The following BTG2 variants were observed in gnomAD, a reference collection of about 807,000 sequenced individuals.
BTG2 encodes BTG anti-proliferation factor 2.
BTG2 carries 9 observed loss-of-function variants against 13.1 expected under a neutral mutation model. That is an observed-to-expected ratio of 0.69 (90% CI 0.41 to 1.20). The LOEUF is 1.20. Ranked by LOEUF, BTG2 falls within the 50% of genes most tolerant of loss-of-function variation. The probability of loss-of-function intolerance (pLI) is 0.00; values close to 1 mark genes in which losing one functional copy is unlikely to be tolerated. For synonymous variants in BTG2, 92 were observed against 88.6 expected, an observed-to-expected ratio of 1.04 and a Z score of -0.21; for missense variants, 200 against 209.5, an observed-to-expected ratio of 0.95 and a Z score of 0.28.
chr1:203,305,838 C>T, intron 1 of BTG2, 90 bp downstream of exon 1: 1 of 1,477,560 alleles, frequency 6.8e-7, no homozygotes. Flanking sequence ...GCAGGGTGAC[C>T]CACGGGAGCA....
Position 203,305,735 on chromosome 1 carries a change from G to C in BTG2, c.129G>C (p.Gln43His). The C allele has an allele frequency of 6.5e-7, 1 of 1,549,126 alleles. No homozygotes were observed. The highest frequency in any genetic ancestry group is 2.0e-5 in the Admixed American group (1 of 50,816). The change falls in exon 1 of 2, where the codon CAG (glutamine) becomes CAC (histidine). Residue 43 changes from glutamine (Q) to histidine (H), a missense_variant. Physicochemically the swap from Gln to His is conservative, Grantham distance 24 (BLOSUM62 0). Transcript: ENST00000290551. ...QRLKVFSGAL[Q>H]EALTEHYKHH... is the part of the protein sequence containing the mutation. ...TTAAGGTCTTCAGCGGGGCGCTCCA[G>C]GAGGCACTCACAGGTGAGCGCATGC... is the stretch of plus-strand genomic sequence containing the variant.
intron 1 of BTG2, among the ~76,000 whole-genome samples, chr1:203,306,676 C>A (rs1045804296): frequency 1.3e-5 from 2 of 152,038 alleles, no homozygotes; most frequent in African/African-American, 4.8e-5. Flanking sequence ...GCTCACAGGT[C>A]TCCAGAGGCC....
Position 203,305,720 on chromosome 1 carries a change from C to A in BTG2, c.114C>A (p.Phe38Leu). 6.4e-7 allele frequency: 1 copy of A among 1,551,232 alleles called. No homozygotes were observed. Among genetic ancestry groups the A allele is most frequent in the Non-Finnish European group, 8.7e-7 (1 of 1,147,068 alleles). Reference sequence around the variant, plus strand: ...TGAGCGAGCAGAGGCTTAAGGTCTTCAGCGGGGCGCTCCAGGAGGCACTCA... The same window carrying A: ...TGAGCGAGCAGAGGCTTAAGGTCTTAAGCGGGGCGCTCCAGGAGGCACTCA... ...GCVSEQRLKV[F>L]SGALQEALTE... Residue 38 changes from phenylalanine to leucine, a missense_variant, in exon 1 of 2, where the codon TTC (phenylalanine) becomes TTA (leucine). Coordinates refer to ENST00000290551, the MANE Select transcript of BTG2 (RefSeq NM_006763.3).
At chr1:203,306,364 T>A (rs950058761) in intron 1 of BTG2, among the ~76,000 whole-genome samples, 1 of 151,982 alleles carries the variant, frequency 6.6e-6, no homozygotes, top group African/African-American at 2.4e-5. Context: ...GGCCTTCAAG[T>A]TGGGAGGTGA....
Position 203,307,396 on chromosome 1 carries a change from G to A in BTG2, c.435G>A (p.Arg145=), listed in dbSNP as rs1277984801. Residue 145 remains arginine, a synonymous_variant, in exon 2 of 2, where the codon CGG becomes CGA. Transcript: ENST00000290551. The part of the protein sequence containing the change: ...LTCKNQVLLG[R]SSPSKNYVMA... ...GCAAGAACCAAGTGCTGCTGGGCCG[G>A]AGCAGCCCCTCCAAGAACTACGTGA... 6.2e-7 allele frequency: 1 copy of A among 1,604,472 alleles called. No homozygotes were observed. Among genetic ancestry groups the A allele is most frequent in the Non-Finnish European group, 8.5e-7 (1 of 1,172,652 alleles).
At chr1:203,305,860 CG>C in intron 1 of BTG2, 112 bp downstream of exon 1, 1 of 1,409,136 alleles carries the variant, frequency 7.1e-7, no homozygotes, top group Non-Finnish European at 9.4e-7. Flanking sequence ...CTTTGGGACT[CG>C]GTGGCCCTCC....
At position 203,307,387 on chromosome 1, in the gene BTG2, G is replaced by C. The variant is rs576022566; in HGVS notation, c.426G>C (p.Leu142=). 53 of 1,608,388 alleles carry C rather than the reference G, an allele frequency of 3.3e-5. No homozygotes were observed. The highest frequency in any genetic ancestry group is 2.0e-4 in the Admixed American group (12 of 59,912). Residue 142 remains leucine, a synonymous_variant, in exon 2 of 2, where the codon CTG becomes CTC. Transcript: ENST00000290551. ...CGLLTCKNQV[L]LGRSSPSKNY... ...TCCTCACCTGCAAGAACCAAGTGCT[G>C]CTGGGCCGGAGCAGCCCCTCCAAGA... is the stretch of plus-strand genomic sequence containing the variant.
Position 203,307,586 on chromosome 1 carries a change from A to C in BTG2, c.*148A>C. 1.1e-5 allele frequency: 7 copies of C among 663,406 alleles called. No individual in the cohort carries two copies. The highest frequency in any genetic ancestry group is 1.3e-5 in the Non-Finnish European group (6 of 460,038). The allele number at this position is 663,406 out of a possible 1,614,324, so 41.1% of individuals were successfully genotyped here. A position where few individuals can be genotyped will look rare whatever the true frequency, so the allele number is the denominator to read the frequency against. ...TTAAGAAAGGAGGAAAAGAAACCAA[A>C]AGTTTTTTTTAAGAAAAAAAATCCT... On this transcript the variant is annotated 3_prime_UTR_variant, in exon 2 of 2. Transcript: ENST00000290551.
chr1:203,305,793 A>G, intron 1 of BTG2, 45 bp downstream of exon 1: 2 of 1,527,102 alleles, frequency 1.3e-6, no homozygotes, highest in Non-Finnish European at 1.8e-6. Flanking sequence ...GGTCGGCCCC[A>G]TCCCTGCCAG....
In BTG2 at chr1:203,307,475, T is replaced by A; in HGVS notation, c.*37T>A. ...CCCGCCCTGGGCGCCGCCGTGCTCA[T>A]GCTGCCGTGACAACAGGCCACCACA... On this transcript the variant is annotated 3_prime_UTR_variant, in exon 2 of 2. Coordinates refer to ENST00000290551, the MANE Select transcript of BTG2 (RefSeq NM_006763.3). 1 of 1,529,556 alleles carries A rather than the reference T, an allele frequency of 6.5e-7. No individual in the cohort carries two copies. Among genetic ancestry groups the A allele is most frequent in the Middle Eastern group, 1.8e-4 (1 of 5,466 alleles). The allele number at this position is 1,529,556 out of a possible 1,614,324, so 94.7% of individuals were successfully genotyped here. A position where few individuals can be genotyped will look rare whatever the true frequency, so the allele number is the denominator to read the frequency against.
chr1:203,306,266 C>T (rs2102284481), intron 1 of BTG2, among the ~76,000 whole-genome samples: 1 of 152,210 alleles, frequency 6.6e-6, no homozygotes, highest in African/African-American at 2.4e-5. Flanking sequence ...AATTTGGGCC[C>T]CCTTTGTGTT....
intron 1 of BTG2, among the ~76,000 whole-genome samples, chr1:203,305,991 A>G (rs1658252907): frequency 6.6e-6 from 1 of 152,094 alleles, no homozygotes; most frequent in East Asian, 1.9e-4. Context: ...TCGGAGGCGC[A>G]GACCCTGGTC....
intron 1 of BTG2, among the ~76,000 whole-genome samples, chr1:203,306,184 G>A (rs1486988803): frequency 6.6e-6 from 1 of 152,208 alleles, no homozygotes; most frequent in East Asian, 1.9e-4. Flanking sequence ...GAGTCCCAGT[G>A]CGGTTCTTCC....
intron 1 of BTG2, 115 bp from the exon 2 acceptor site, chr1:203,306,989 A>T: frequency 1.2e-6 from 1 of 833,926 alleles, no homozygotes; most frequent in Non-Finnish European, 1.9e-6. Flanking sequence ...CACCTCCCTT[A>T]CTTAAAGGGC....
chr1:203,305,961 G>A (rs538380657), intron 1 of BTG2, among the ~76,000 whole-genome samples: 1 of 152,258 alleles, frequency 6.6e-6, no homozygotes, highest in African/African-American at 2.4e-5. Context: ...GGTTCTGATG[G>A]GGCGCGCCCC....
At position 203,307,193 on chromosome 1, in the gene BTG2, A is replaced by G. The variant is rs776708330; in HGVS notation, c.232A>G (p.Ile78Val). The part of the protein sequence containing the change: ...IRINHKMDPI[I>V]SRVASQIGLS... ...CATCAACCACAAGATGGACCCCATC[A>G]TCAGCAGGGTGGCCAGCCAGATCGG... Residue 78 changes from isoleucine to valine, a missense_variant, in exon 2 of 2, where the codon ATC (isoleucine) becomes GTC (valine). Physicochemically the swap from Ile to Val is conservative, Grantham distance 29. Coordinates refer to ENST00000290551, the MANE Select transcript of BTG2 (RefSeq NM_006763.3). The G allele has an allele frequency of 1.9e-6, 3 of 1,614,264 alleles. No homozygotes were observed. Among genetic ancestry groups the G allele is most frequent in the Non-Finnish European group, 1.7e-6 (2 of 1,180,046 alleles).
At chr1:203,306,435 G>C (rs1658275538) in intron 1 of BTG2, among the ~76,000 whole-genome samples, 2 of 152,168 alleles carry the variant, frequency 1.3e-5, no homozygotes, top group East Asian at 1.9e-4. Flanking sequence ...TTTCTAGCTG[G>C]TTACTGTCAG....
At position 203,307,428 on chromosome 1, in the gene BTG2, TCTC is replaced by T; in HGVS notation, c.469_471del (p.Ser157del). 6.3e-7 allele frequency: 1 copy of T among 1,587,818 alleles called. No individual in the cohort carries two copies. Among genetic ancestry groups the T allele is most frequent in the Non-Finnish European group, 8.6e-7 (1 of 1,162,672 alleles). On this transcript the variant is annotated inframe_deletion, in exon 2 of 2. Transcript: ENST00000290551. ...CCCTCCAAGAACTACGTGATGGCAG[TCTC>T]CAGCTAGGCCCTTCCGCCCCCGCCC...
intron 1 of BTG2, among the ~76,000 whole-genome samples, chr1:203,306,520 A>G (rs979017319): frequency 7.2e-5 from 11 of 152,148 alleles, no homozygotes; most frequent in Admixed American, 5.2e-4. Flanking sequence ...TGTTTCATCA[A>G]AACAACCCAG....
Sources: allele counts gnomAD v4.1 joint callset (sites outside exome capture counted in the v4.1 genomes callset), GRCh38; gene constraint gnomAD v4.1.1; transcripts MANE v1.5; gene names NCBI Gene and HGNC (gene_info 2026-07-23, HGNC 2026-07-21).